TMOD3: variants seen among roughly 807,000 people sequenced by gnomAD.
The protein encoded by TMOD3 is tropomodulin-3.
A neutral mutation model predicts 39.2 loss-of-function variants in TMOD3; 20 were observed. The ratio of observed to expected loss-of-function variants is 0.51; its 90% CI spans 0.36 to 0.74. TMOD3 has a LOEUF of 0.74. Ranked by LOEUF, TMOD3 falls within the 30% of genes least tolerant of loss-of-function variation. The pLI, the probability that TMOD3 is intolerant of heterozygous loss-of-function variation, is 0.00. For missense variants in TMOD3, 381 were observed against 412.8 expected, an observed-to-expected ratio of 0.92 and a Z score of 0.67; for synonymous variants, 143 against 145.8, an observed-to-expected ratio of 0.98 and a Z score of 0.14.
intron 9 of TMOD3, among the ~76,000 whole-genome samples, chr15:51,906,598 C>A (rs1193701354): frequency 2.6e-5 from 4 of 152,188 alleles, no homozygotes; most frequent in African/African-American, 4.8e-5. Context: ...ATTTTCTAGA[C>A]CTTTTTTGTT....
chr15:51,847,454 A>G (rs1445375477), intron 1 of TMOD3, among the ~76,000 whole-genome samples: 1 of 152,164 alleles, frequency 6.6e-6, no homozygotes, highest in African/African-American at 2.4e-5. Flanking sequence ...TTTTTCAACT[A>G]CTGTGTGCAA....
rs187974407 is a variant in TMOD3 at position 51,883,581 on chromosome 15, T to C, written c.284-4008T>C. ...TTAGCTCACATACTGATCATTTTTT[T>C]GTGGCAAGTAGCTTGTATAGTTTTG... On this transcript the variant is annotated intron_variant, in intron 3 of 9. Coordinates refer to ENST00000308580, the MANE Select transcript of TMOD3 (RefSeq NM_014547.5). Among the ~76,000 whole-genome samples, 4 of 152,322 alleles carry C rather than the reference T, an allele frequency of 2.6e-5. No individual in the cohort carries two copies. In the East Asian group the frequency reaches 7.7e-4, roughly 29 times the overall value.
At chr15:51,887,775 A>G (rs988762264) in intron 4 of TMOD3, 64 bp downstream of exon 4, 7 of 1,583,420 alleles carry the variant, frequency 4.4e-6, no homozygotes, top group Non-Finnish European at 6.0e-6. Flanking sequence ...ACCAGCACAT[A>G]CCTATATACA....
In TMOD3 at chr15:51,878,190, A is replaced by G. The variant is rs144027298; in HGVS notation, c.283+8817A>G. On this transcript the variant is annotated intron_variant, in intron 3 of 9. Transcript: ENST00000308580. Reference sequence around the variant, plus strand: ...CAGGGCTCACCTCTGTTTTTCCCATATCATAGGGATCACTGTCCTTTGTTG... The same window carrying G: ...CAGGGCTCACCTCTGTTTTTCCCATGTCATAGGGATCACTGTCCTTTGTTG... Among the ~76,000 whole-genome samples, 591 of 152,256 alleles carry G rather than the reference A, an allele frequency of 3.9e-3. 1 individual carries two copies. The highest frequency in any genetic ancestry group is 6.2e-3 in the Admixed American group (95 of 15,302).
chr15:51,885,403 G>C (rs1455205211), intron 3 of TMOD3, among the ~76,000 whole-genome samples: 1 of 151,806 alleles, frequency 6.6e-6, no homozygotes, highest in Non-Finnish European at 1.5e-5. Flanking sequence ...ATGTGAACAA[G>C]GGTCTCTGGT....
At chr15:51,838,108 C>T (rs1463080600) in intron 1 of TMOD3, among the ~76,000 whole-genome samples, 1 of 152,072 alleles carries the variant, frequency 6.6e-6, no homozygotes, top group Non-Finnish European at 1.5e-5. Flanking sequence ...GTGTGAAGAT[C>T]GCTCCTTTCC....
chr15:51,844,174 T>C (rs1230028160), intron 1 of TMOD3, among the ~76,000 whole-genome samples: 1 of 152,196 alleles, frequency 6.6e-6, no homozygotes, highest in East Asian at 1.9e-4. Context: ...ACCCTCTCCC[T>C]TGTATTCTCA....
rs996830921 is a variant in TMOD3, at chr15:51,913,117, G to C, written c.*4307G>C. ...GCCTCCCAAGTAGCTGGGATTACAG[G>C]CGTCCGCCACCACGCCCGGATAACT... is the stretch of plus-strand genomic sequence containing the variant. On this transcript the variant is annotated 3_prime_UTR_variant, in exon 10 of 10. Transcript: ENST00000308580. The C allele has an allele frequency of 2.0e-5, 3 of 151,970 alleles. No individual in the cohort carries two copies. Among genetic ancestry groups the C allele is most frequent in the African/African-American group, 7.2e-5 (3 of 41,418 alleles). The allele number at this position is 151,970 out of a possible 1,614,324, so 9.4% of individuals were successfully genotyped here. A position where few individuals can be genotyped will look rare whatever the true frequency, so the allele number is the denominator to read the frequency against.
intron 2 of TMOD3, 109 bp downstream of exon 2, chr15:51,863,119 C>T (rs2056427639): frequency 9.2e-7 from 1 of 1,082,834 alleles, no homozygotes; most frequent in Non-Finnish European, 1.3e-6. Context: ...TCCACCCTTT[C>T]CTCCACTTTA....
At chr15:51,885,856 A>T (rs978196510) in intron 3 of TMOD3, among the ~76,000 whole-genome samples, 1 of 150,440 alleles carries the variant, frequency 6.6e-6, no homozygotes, top group African/African-American at 2.5e-5. Flanking sequence ...CACTTCCCAG[A>T]CGGGGCGGCC....
chr15:51,902,193 C>G (rs1421183831), intron 9 of TMOD3, among the ~76,000 whole-genome samples, 157 bp downstream of exon 9: 1 of 152,032 alleles, frequency 6.6e-6, no homozygotes, highest in Admixed American at 6.5e-5. Context: ...AATTCAAGTT[C>G]AATTAAAGTG....
intron 1 of TMOD3, among the ~76,000 whole-genome samples, chr15:51,830,900 C>T (rs1487546590): frequency 3.3e-5 from 5 of 152,158 alleles, no homozygotes; most frequent in Admixed American, 6.5e-5. Flanking sequence ...ATAATAGTTA[C>T]AGTCCCCTTT....
intron 2 of TMOD3, among the ~76,000 whole-genome samples, chr15:51,866,502 G>A (rs1264729779): frequency 6.6e-6 from 1 of 151,886 alleles, no homozygotes; most frequent in African/African-American, 2.4e-5. Flanking sequence ...TTTCTAAGGA[G>A]CCAGACCAAA....
At chr15:51,896,910 A>G (rs1191250591) in intron 7 of TMOD3, among the ~76,000 whole-genome samples, 1 of 152,206 alleles carries the variant, frequency 6.6e-6, no homozygotes, top group African/African-American at 2.4e-5. Context: ...GATTTTTGTT[A>G]AATGCTTTTG....
intron 9 of TMOD3, among the ~76,000 whole-genome samples, chr15:51,903,929 C>G (rs1037922196): frequency 2.6e-5 from 4 of 152,186 alleles, no homozygotes; most frequent in African/African-American, 9.7e-5. Flanking sequence ...TTACTATGTT[C>G]TCATTAGTGC....
At chr15:51,889,295 C>T (rs1028789786) in intron 5 of TMOD3, 150 bp downstream of exon 5, 4 of 572,700 alleles carry the variant, frequency 7.0e-6, no homozygotes, top group African/African-American at 4.0e-5. Flanking sequence ...CCAAGAAAGC[C>T]ATTGAAAATA....
rs1595909220 is a variant in TMOD3, at chr15:51,893,710, A to G, written c.497-105A>G. 1.2e-5 allele frequency: 13 copies of G among 1,117,846 alleles called. No homozygotes were observed. The East Asian group carries it at 4.0e-4, about 34-fold the overall frequency. The allele number at this position is 1,117,846 out of a possible 1,614,324, so 69.2% of individuals were successfully genotyped here. A position where few individuals can be genotyped will look rare whatever the true frequency, so the allele number is the denominator to read the frequency against. ...AACCCGGGAGGCGGAGCTTGCAGTGAGCCGAGATCGTGCCACTGCACTCCG... is the reference window on the plus strand; with the variant it reads ...AACCCGGGAGGCGGAGCTTGCAGTGGGCCGAGATCGTGCCACTGCACTCCG... On this transcript the variant is annotated intron_variant, in intron 5 of 9. Transcript: ENST00000308580.
At position 51,902,898 on chromosome 15, in the gene TMOD3, G is replaced by A. The variant is rs1180764229; in HGVS notation, c.1024+862G>A. Among the ~76,000 whole-genome samples the A allele has an allele frequency of 3.9e-5, 6 of 152,038 alleles. No individual in the cohort carries two copies. In the East Asian group the frequency reaches 9.7e-4, roughly 25 times the overall value. On this transcript the variant is annotated intron_variant, in intron 9 of 9. Transcript: ENST00000308580. ...GATCTCCTGACCTGATGATCCACCC[G>A]CCTCGGCCTCCCAAAGTGCTGGGAT...
chr15:51,868,184 A>T (rs561104808), intron 2 of TMOD3, among the ~76,000 whole-genome samples: 1 of 152,366 alleles, frequency 6.6e-6, no homozygotes, highest in South Asian at 2.1e-4. Flanking sequence ...AGAAGTCTGT[A>T]CAATGAAATG....
Sources: allele counts gnomAD v4.1 joint callset (sites outside exome capture counted in the v4.1 genomes callset), GRCh38; gene constraint gnomAD v4.1.1; transcripts MANE v1.5; gene names NCBI Gene and HGNC (gene_info 2026-07-23, HGNC 2026-07-21).